Variants in STAC observed in about 807,000 individuals in gnomAD.
The protein encoded by STAC is SH3 and cysteine rich domain.
In STAC, 43 loss-of-function variants were observed where a neutral mutation model predicts 48.8. The ratio of observed to expected loss-of-function variants is 0.88; its 90% CI spans 0.69 to 1.14. The LOEUF is 1.14. STAC is among the 50% of genes most tolerant of loss of function. The pLI is 0.00. For missense variants in STAC, 497 were observed against 504.0 expected, an observed-to-expected ratio of 0.99 and a Z score of 0.13; for synonymous variants, 193 against 179.5, an observed-to-expected ratio of 1.07 and a Z score of -0.60.
At chr3:36,539,124 AT>A (rs917146207) in intron 10 of STAC, among the ~76,000 whole-genome samples, 4 of 152,042 alleles carry the variant, frequency 2.6e-5, no homozygotes, top group African/African-American at 9.7e-5. Context: ...CTTCTAATAC[AT>A]GTTAGTTTAG....
intron 1 of STAC, among the ~76,000 whole-genome samples, chr3:36,422,958 G>A (rs1700481699): frequency 6.6e-6 from 1 of 152,012 alleles, no homozygotes. Flanking sequence ...AATGTTCACT[G>A]GCTCAAAAAA....
At chr3:36,421,008 T>G (rs1223889427) in intron 1 of STAC, among the ~76,000 whole-genome samples, 2 of 152,218 alleles carry the variant, frequency 1.3e-5, no homozygotes, top group African/African-American at 4.8e-5. Context: ...GTTATAACTT[T>G]GTCTTACATT....
chr3:36,494,622 A>G (rs553251794), intron 6 of STAC, among the ~76,000 whole-genome samples: 3 of 152,322 alleles, frequency 2.0e-5, no homozygotes, highest in South Asian at 4.1e-4. Context: ...TCCTTCCTAA[A>G]TAAGTGCCAG....
chr3:36,500,093 T>C (rs1698246706), intron 6 of STAC, among the ~76,000 whole-genome samples: 2 of 152,232 alleles, frequency 1.3e-5, no homozygotes, highest in Admixed American at 6.5e-5. Flanking sequence ...CTCTCAGTTA[T>C]TGGCAAACCA....
At chr3:36,457,190 A>G (rs1159585444) in intron 2 of STAC, among the ~76,000 whole-genome samples, 1 of 152,206 alleles carries the variant, frequency 6.6e-6, no homozygotes, top group East Asian at 1.9e-4. Flanking sequence ...CAAATGGATC[A>G]TCACAAACAA....
At chr3:36,382,340 T>C (rs1699528638) in intron 1 of STAC, among the ~76,000 whole-genome samples, 2 of 152,222 alleles carry the variant, frequency 1.3e-5, no homozygotes. Context: ...GCTTAGCATT[T>C]GGGCAAACAG....
chr3:36,537,096 G>A (rs1699215727), intron 10 of STAC, among the ~76,000 whole-genome samples: 1 of 152,190 alleles, frequency 6.6e-6, no homozygotes. Context: ...TACACTGTTG[G>A]TGGGAATGTA....
chr3:36,517,141 G>A (rs1044431198), intron 8 of STAC, among the ~76,000 whole-genome samples: 3 of 152,046 alleles, frequency 2.0e-5, no homozygotes, highest in African/African-American at 4.8e-5. Flanking sequence ...ATGGGGTCTC[G>A]AACATTGCTG....
At chr3:36,384,461 A>T (rs1361728374) in intron 1 of STAC, among the ~76,000 whole-genome samples, 1 of 152,120 alleles carries the variant, frequency 6.6e-6, no homozygotes, top group African/African-American at 2.4e-5. Context: ...AATACACCTA[A>T]TATGTTTGTT....
chr3:36,546,460 C>T lies in STAC; in HGVS notation c.*171C>T. ...GAGTAATAGCCACAAAACAGAGGGC[C>T]CACTGCACAGCATATCCAGGCTGCC... On this transcript the variant is annotated 3_prime_UTR_variant, in exon 11 of 11. Transcript: ENST00000273183. 2 of 615,690 alleles carry T rather than the reference C, an allele frequency of 3.2e-6. No homozygotes were observed. Among genetic ancestry groups the T allele is most frequent in the Non-Finnish European group, 5.7e-6 (2 of 350,448 alleles). The allele number at this position is 615,690 out of a possible 1,614,324, so 38.1% of individuals were successfully genotyped here. A position where few individuals can be genotyped will look rare whatever the true frequency, so the allele number is the denominator to read the frequency against.
intron 10 of STAC, 118 bp downstream of exon 10, chr3:36,529,103 G>T: frequency 9.4e-7 from 1 of 1,063,548 alleles, no homozygotes; most frequent in Non-Finnish European, 1.3e-6. Flanking sequence ...TTCACTTTGA[G>T]AAAAGATATA....
At chr3:36,530,983 T>A (rs1352505688) in intron 10 of STAC, among the ~76,000 whole-genome samples, 3 of 152,228 alleles carry the variant, frequency 2.0e-5, no homozygotes, top group East Asian at 3.9e-4. Context: ...ACAGCTTTTT[T>A]AAAAAAATGT....
At chr3:36,525,097 C>T (rs925189522) in intron 8 of STAC, among the ~76,000 whole-genome samples, 10 of 151,904 alleles carry the variant, frequency 6.6e-5, no homozygotes, top group African/African-American at 2.4e-4. Context: ...TGTTTATTGT[C>T]TATCTTTCTC....
At chr3:36,384,198 T>C (rs550397576) in intron 1 of STAC, among the ~76,000 whole-genome samples, 41 of 152,334 alleles carry the variant, frequency 2.7e-4, no homozygotes, top group African/African-American at 9.6e-4. Flanking sequence ...TACTGACTTA[T>C]TGACAACATA....
chr3:36,526,282 G>A (rs1698934264), intron 8 of STAC, among the ~76,000 whole-genome samples: 1 of 152,050 alleles, frequency 6.6e-6, no homozygotes, highest in African/African-American at 2.4e-5. Context: ...CCCTGTCATG[G>A]GACTTTGCAG....
At chr3:36,383,603 C>T (rs192813258) in intron 1 of STAC, among the ~76,000 whole-genome samples, 2 of 152,096 alleles carry the variant, frequency 1.3e-5, no homozygotes, top group Non-Finnish European at 2.9e-5. Context: ...ACTATAATCC[C>T]AATTAGCACA....
At chr3:36,425,645 G>A (rs1361953942) in intron 1 of STAC, among the ~76,000 whole-genome samples, 1 of 152,194 alleles carries the variant, frequency 6.6e-6, no homozygotes, top group Admixed American at 6.5e-5. Flanking sequence ...GTGTTAAGCA[G>A]GGGAAGCTGG....
chr3:36,531,606 T>TACC (rs895759500), intron 10 of STAC, among the ~76,000 whole-genome samples: 6 of 152,102 alleles, frequency 3.9e-5, no homozygotes, highest in African/African-American at 1.4e-4. Context: ...CCACCCACCT[T>TACC]ACCACCACCA....
At chr3:36,481,689 C>T (rs1008892127) in intron 2 of STAC, among the ~76,000 whole-genome samples, 4 of 152,234 alleles carry the variant, frequency 2.6e-5, no homozygotes, top group African/African-American at 9.6e-5. Context: ...ATGAGAATCA[C>T]ATACTTGTTG....
Sources: gnomAD v4.1 joint callset for allele counts (sites outside exome capture counted in the v4.1 genomes callset) on GRCh38, gnomAD v4.1.1 for gene constraint, MANE v1.5 for transcripts, NCBI Gene and HGNC (gene_info 2026-07-23, HGNC 2026-07-21) for gene names.